Variants in DCHS2 observed in about 807,000 individuals in gnomAD.
The protein encoded by DCHS2 is dachsous cadherin-related 2, also known as protocadherin-23.
A neutral mutation model predicts 182.4 loss-of-function variants in DCHS2; 142 were observed. The observed-to-expected ratio is 0.78, with a 90% CI of 0.68 to 0.89. DCHS2 has a LOEUF of 0.89. DCHS2 is among the 40% of genes least tolerant of loss of function. The probability of loss-of-function intolerance (pLI) is 0.00; values close to 1 mark genes in which losing one functional copy is unlikely to be tolerated. For missense variants in DCHS2, 4,319 were observed against 4,198.6 expected (o/e 1.03, Z -0.79); for synonymous variants, 1,740 against 1,663.3 (o/e 1.05, Z -1.12).
At chr4:154,419,821 CAA>C (rs369876828) in intron 1 of DCHS2, among the ~76,000 whole-genome samples, 16 of 122,530 alleles carry the variant, frequency 1.3e-4, no homozygotes, top group East Asian at 2.7e-4. Flanking sequence ...AGAACAAGAC[CAA>C]AAAAAAAAAA....
chr4:154,343,456 T>A, intron 3 of DCHS2: 1 of 1,419,794 alleles, frequency 7.0e-7, no homozygotes, highest in Non-Finnish European at 9.2e-7. Context: ...ATCTATTGTT[T>A]AGTGTAACCA....
Position 154,491,739 on chromosome 4 carries a change from T to C in DCHS2, c.-384A>G. 1 of 1,026,568 alleles carries C rather than the reference T, an allele frequency of 9.7e-7. No homozygotes were observed. The highest frequency in any genetic ancestry group is 1.2e-6 in the Non-Finnish European group (1 of 858,130). The allele number at this position is 1,026,568 out of a possible 1,614,324, so 63.6% of individuals were successfully genotyped here. Reference sequence around the variant, plus strand: ...ATTTCTTTTGCCAAAAAGGAGGAGATTATATGAAGCGCGCACACACAAGGA... The same window carrying C: ...ATTTCTTTTGCCAAAAAGGAGGAGACTATATGAAGCGCGCACACACAAGGA... On this transcript the variant is annotated 5_prime_UTR_variant, in exon 1 of 20. Transcript: ENST00000357232.
At chr4:154,322,150 T>C (rs1340709442) in intron 8 of DCHS2, among the ~76,000 whole-genome samples, 181 bp downstream of exon 8, 1 of 152,230 alleles carries the variant, frequency 6.6e-6, no homozygotes, top group Non-Finnish European at 1.5e-5. Flanking sequence ...GTCTAAATCA[T>C]TTTTCTAGTG....
At chr4:154,445,750 G>T (rs1485987446) in intron 1 of DCHS2, among the ~76,000 whole-genome samples, 2 of 150,756 alleles carry the variant, frequency 1.3e-5, no homozygotes, top group African/African-American at 2.4e-5. Context: ...GTTCTAGGCT[G>T]CAGTGAGCTG....
At chr4:154,370,608 C>T (rs183250569) in intron 2 of DCHS2, among the ~76,000 whole-genome samples, 23 of 152,156 alleles carry the variant, frequency 1.5e-4, no homozygotes, top group Admixed American at 1.5e-3. Flanking sequence ...GGACCCTAAA[C>T]AGTAGAGAGA....
At chr4:154,404,035 A>T (rs1732301004) in intron 1 of DCHS2, among the ~76,000 whole-genome samples, 1 of 151,952 alleles carries the variant, frequency 6.6e-6, no homozygotes, top group Non-Finnish European at 1.5e-5. Context: ...AAAAACTTTC[A>T]TATGGTAATT....
At chr4:154,380,204 G>A (rs8180116) in intron 1 of DCHS2, among the ~76,000 whole-genome samples, 52,437 of 151,912 alleles carry the variant, frequency 0.35, 10,327 homozygotes, top group Non-Finnish European at 0.46. Flanking sequence ...TGATGATACA[G>A]CCTTTAAATT....
chr4:154,405,397 C>T (rs4696562), intron 1 of DCHS2, among the ~76,000 whole-genome samples: 106,004 of 150,506 alleles, frequency 0.7, 39,154 homozygotes, highest in Admixed American at 0.81. Flanking sequence ...GATATGGACA[C>T]TGATTTTTTT....
intron 2 of DCHS2, among the ~76,000 whole-genome samples, chr4:154,370,668 A>T (rs904604385): frequency 2.0e-5 from 3 of 152,212 alleles, no homozygotes; most frequent in Non-Finnish European, 4.4e-5. Context: ...ATAGAAAAGA[A>T]AGCAAAGAAT....
intron 1 of DCHS2, among the ~76,000 whole-genome samples, chr4:154,485,644 T>C (rs1728556729): frequency 6.6e-6 from 1 of 152,250 alleles, no homozygotes; most frequent in African/African-American, 2.4e-5. Context: ...ATTTGTTGGT[T>C]AGATGTTGTT....
chr4:154,249,793 C>CA (rs1316582436), intron 16 of DCHS2, among the ~76,000 whole-genome samples: 4 of 150,828 alleles, frequency 2.7e-5, no homozygotes, highest in African/African-American at 9.8e-5. Context: ...AACACATAAA[C>CA]AAAAAACCAA....
intron 2 of DCHS2, chr4:154,373,824 G>T: frequency 1.1e-6 from 1 of 948,542 alleles, no homozygotes; most frequent in Non-Finnish European, 1.7e-6. Context: ...AGGTGTGCAA[G>T]CACTCAGGGG....
At position 154,332,702 on chromosome 4, in the gene DCHS2, A is replaced by G; in HGVS notation, c.3506T>C (p.Phe1169Ser). 8.1e-6 allele frequency: 13 copies of G among 1,614,246 alleles called. No individual in the cohort carries two copies. The highest frequency in any genetic ancestry group is 1.0e-5 in the Non-Finnish European group (12 of 1,180,030). Residue 1169 changes from phenylalanine (F) to serine (S), a missense_variant, in exon 5 of 20, where the codon TTC (phenylalanine) becomes TCC (serine). Coordinates refer to ENST00000357232, the MANE Select transcript of DCHS2 (RefSeq NM_001358235.2). The part of the protein sequence containing the change: ...RVFAWIPEDG[F>S]LQNVSTTVIV... Reference sequence around the variant, plus strand: ...GACTGTAGTGCTCACATTTTGCAAGAATCCGTCCTCGGGGATCCAAGCAAA... The same window carrying G: ...GACTGTAGTGCTCACATTTTGCAAGGATCCGTCCTCGGGGATCCAAGCAAA...
rs181804346 is a variant in DCHS2, at chr4:154,337,215, A to G, written c.2477-2111T>C. On this transcript the variant is annotated intron_variant, in intron 3 of 19. Transcript: ENST00000357232. ...AAAACTTGAATATACACAAATGTGT[A>G]CAGAAGAGAAGAAAAAGTCCCCCTA... Among the ~76,000 whole-genome samples the G allele has an allele frequency of 1.0e-3, 157 of 152,356 alleles. 2 individuals carry two copies. Among genetic ancestry groups the G allele is most frequent in the Middle Eastern group, 0.01 (3 of 294 alleles).
chr4:154,406,642 A>G (rs1433287989), intron 1 of DCHS2, among the ~76,000 whole-genome samples: 1 of 152,208 alleles, frequency 6.6e-6, no homozygotes, highest in South Asian at 2.1e-4. Context: ...ATCTTACTCC[A>G]GGAAAGTTTT....
intron 2 of DCHS2, among the ~76,000 whole-genome samples, chr4:154,376,216 C>A (rs142112070): frequency 0.019 from 2,861 of 152,102 alleles, 51 homozygotes; most frequent in Non-Finnish European, 0.027. Context: ...ATTATTTGTG[C>A]ATTTCTCTGT....
intron 13 of DCHS2, among the ~76,000 whole-genome samples, chr4:154,292,964 T>A (rs1353040548): frequency 1.3e-5 from 2 of 152,216 alleles, no homozygotes; most frequent in African/African-American, 2.4e-5. Context: ...ACCATCCTCC[T>A]GGGAATTGTC....
chr4:154,297,361 C>A (rs1305511895), intron 13 of DCHS2, among the ~76,000 whole-genome samples: 1 of 152,202 alleles, frequency 6.6e-6, no homozygotes, highest in Non-Finnish European at 1.5e-5. Context: ...GACATGTACA[C>A]CTACCTGGAT....
intron 1 of DCHS2, among the ~76,000 whole-genome samples, chr4:154,380,286 T>C (rs527804671): frequency 2.6e-5 from 4 of 152,310 alleles, no homozygotes; most frequent in Admixed American, 2.6e-4. Flanking sequence ...AACATATTTA[T>C]AAGTTCTTCT....
Sources: allele counts gnomAD v4.1 joint callset (sites outside exome capture counted in the v4.1 genomes callset), GRCh38; gene constraint gnomAD v4.1.1; transcripts MANE v1.5; gene names NCBI Gene and HGNC (gene_info 2026-07-23, HGNC 2026-07-21).